The following ADCY8 variants were observed in gnomAD, a reference collection of about 807,000 sequenced individuals.
ADCY8 encodes adenylate cyclase type 8.
ADCY8 carries 51 observed loss-of-function variants against 119.7 expected under a neutral mutation model. The observed-to-expected ratio is 0.43, with a 90% CI of 0.34 to 0.54. The LOEUF is 0.54. Ranked by LOEUF, ADCY8 falls within the 20% of genes least tolerant of loss-of-function variation. The pLI is 0.03. For missense variants in ADCY8, 1,383 were observed against 1,598.8 expected (o/e 0.87, Z 2.30); for synonymous variants, 665 against 651.0 (o/e 1.02, Z -0.33).
intron 2 of ADCY8, among the ~76,000 whole-genome samples, chr8:130,979,251 G>A (rs546335530): frequency 8.5e-5 from 13 of 152,302 alleles, no homozygotes; most frequent in Middle Eastern, 3.4e-3. Context: ...TTCATTGGAA[G>A]CTGGCACCTT....
chr8:130,858,714 T>C (rs1817827756), intron 9 of ADCY8, among the ~76,000 whole-genome samples: 1 of 152,180 alleles, frequency 6.6e-6, no homozygotes, highest in Admixed American at 6.5e-5. Flanking sequence ...ATATGTAGAC[T>C]TTCTCTGCAT....
At chr8:130,871,344 C>T (rs1818347217) in intron 8 of ADCY8, among the ~76,000 whole-genome samples, 1 of 152,164 alleles carries the variant, frequency 6.6e-6, no homozygotes, top group South Asian at 2.1e-4. Context: ...ATGAACTAAT[C>T]AAGAGCTAGA....
chr8:131,026,359 C>A (rs1191342467), intron 1 of ADCY8, among the ~76,000 whole-genome samples: 4 of 152,064 alleles, frequency 2.6e-5, no homozygotes, highest in Non-Finnish European at 4.4e-5. Context: ...TTCCCAGCCT[C>A]CAGAACTATG....
intron 2 of ADCY8, among the ~76,000 whole-genome samples, chr8:130,974,265 G>A (rs546850387): frequency 1.2e-4 from 18 of 152,276 alleles, no homozygotes; most frequent in African/African-American, 4.1e-4. Flanking sequence ...TTCTCTTGGG[G>A]GCCTGAATCC....
intron 7 of ADCY8, among the ~76,000 whole-genome samples, chr8:130,891,111 C>T (rs963753033): frequency 5.3e-5 from 8 of 152,116 alleles, no homozygotes; most frequent in Admixed American, 4.6e-4. Context: ...GTAGTTTCCC[C>T]AACCTATTCT....
chr8:131,028,440 C>A (rs1422384456), intron 1 of ADCY8, among the ~76,000 whole-genome samples: 1 of 152,164 alleles, frequency 6.6e-6, no homozygotes, highest in Non-Finnish European at 1.5e-5. Context: ...GAACTACCCG[C>A]CTCCAATAGG....
At chr8:130,796,245 C>G (rs1408329287) in intron 15 of ADCY8, among the ~76,000 whole-genome samples, 2 of 152,212 alleles carry the variant, frequency 1.3e-5, no homozygotes, top group African/African-American at 4.8e-5. Context: ...ACTTCATTAT[C>G]TCATTTAATA....
chr8:130,844,469 T>C (rs1319965889), intron 11 of ADCY8, among the ~76,000 whole-genome samples: 1 of 152,188 alleles, frequency 6.6e-6, no homozygotes, highest in African/African-American at 2.4e-5. Context: ...TTGGACTGGA[T>C]ATTATTTCTC....
At chr8:130,930,779 T>G (rs972836801) in intron 5 of ADCY8, among the ~76,000 whole-genome samples, 1 of 152,174 alleles carries the variant, frequency 6.6e-6, no homozygotes, top group African/African-American at 2.4e-5. Context: ...CAAATTAATG[T>G]GGGTATTATC....
At chr8:130,914,684 A>T (rs1024053981) in intron 5 of ADCY8, among the ~76,000 whole-genome samples, 2 of 152,126 alleles carry the variant, frequency 1.3e-5, no homozygotes, top group African/African-American at 4.8e-5. Context: ...AAATGGAGAC[A>T]ATTCTACTCC....
chr8:130,819,975 G>C (rs1343972202), intron 13 of ADCY8, among the ~76,000 whole-genome samples: 1 of 152,178 alleles, frequency 6.6e-6, no homozygotes, highest in Non-Finnish European at 1.5e-5. Context: ...TTTGAAGACA[G>C]ATCAGGATTT....
intron 1 of ADCY8, among the ~76,000 whole-genome samples, chr8:131,035,309 T>C (rs1824116909): frequency 6.6e-6 from 1 of 152,168 alleles, no homozygotes; most frequent in South Asian, 2.1e-4. Context: ...AACTGGGTTT[T>C]GAGCCTTCTG....
chr8:131,032,977 C>T (rs949952793), intron 1 of ADCY8, among the ~76,000 whole-genome samples: 1 of 152,122 alleles, frequency 6.6e-6, no homozygotes, highest in African/African-American at 2.4e-5. Context: ...TTCAATACTG[C>T]CACTAATCTT....
At chr8:130,923,658 A>G (rs1820380447) in intron 5 of ADCY8, among the ~76,000 whole-genome samples, 1 of 152,188 alleles carries the variant, frequency 6.6e-6, no homozygotes, top group African/African-American at 2.4e-5. Context: ...GACTCCCCAA[A>G]ACAGACATAG....
intron 5 of ADCY8, among the ~76,000 whole-genome samples, chr8:130,924,446 G>A (rs753035180): frequency 6.6e-6 from 1 of 152,194 alleles, no homozygotes; most frequent in African/African-American, 2.4e-5. Context: ...TTGCTAGGTA[G>A]AGAGCACTAA....
intron 7 of ADCY8, among the ~76,000 whole-genome samples, chr8:130,901,393 TA>T (rs1334149503): frequency 3.3e-5 from 5 of 152,172 alleles, no homozygotes; most frequent in Non-Finnish European, 7.4e-5. Flanking sequence ...TTGATGCCAT[TA>T]AACATATTTC....
chr8:131,005,516 C>T (rs905842846), intron 1 of ADCY8, among the ~76,000 whole-genome samples: 1 of 152,204 alleles, frequency 6.6e-6, no homozygotes. Context: ...GCTGGCTATT[C>T]TCCTTTGGCC....
At chr8:130,900,070 G>A (rs1819544696) in intron 7 of ADCY8, among the ~76,000 whole-genome samples, 1 of 152,182 alleles carries the variant, frequency 6.6e-6, no homozygotes, top group Non-Finnish European at 1.5e-5. Context: ...GTCTCACTGG[G>A]ATCTGAGTCA....
At chr8:130,816,193 A>G (rs1217780000) in intron 13 of ADCY8, among the ~76,000 whole-genome samples, 2 of 152,194 alleles carry the variant, frequency 1.3e-5, no homozygotes, top group African/African-American at 4.8e-5. Context: ...TTTAATAACA[A>G]AGGCTGGAAA....
Sources: allele counts gnomAD v4.1 joint callset (sites outside exome capture counted in the v4.1 genomes callset), GRCh38; gene constraint gnomAD v4.1.1; transcripts MANE v1.5; gene names NCBI Gene and HGNC (gene_info 2026-07-23, HGNC 2026-07-21).